RYR2: variants seen among roughly 807,000 people sequenced by gnomAD.
RYR2 encodes ryanodine receptor 2, also known as cardiac muscle ryanodine receptor-calcium release channel.
Under a neutral mutation model 601.1 loss-of-function variants are expected in RYR2, and 227 were observed. The ratio of observed to expected loss-of-function variants is 0.38; its 90% CI spans 0.34 to 0.42. The LOEUF (loss-of-function observed/expected upper bound fraction) is 0.42, where lower values mean the gene tolerates loss of function less well. RYR2 is among the 10% of genes least tolerant of loss of function. The pLI is 1.00. For missense variants in RYR2, 4,646 were observed against 6,156.5 expected, an observed-to-expected ratio of 0.75 and a Z score of 8.21; for synonymous variants, 2,223 against 2,175.1, an observed-to-expected ratio of 1.02 and a Z score of -0.61.
At chr1:237,111,735 C>A (rs1669502597) in intron 1 of RYR2, among the ~76,000 whole-genome samples, 2 of 152,052 alleles carry the variant, frequency 1.3e-5, no homozygotes, top group Admixed American at 6.5e-5. Context: ...CTCATTTTTG[C>A]CTATCCTGCA....
rs758855412 is a variant in RYR2 at position 237,634,980 on chromosome 1, G to C, written c.6780G>C (p.Pro2260=). The C allele has an allele frequency of 1.3e-6, 2 of 1,592,668 alleles. No individual in the cohort carries two copies. The highest frequency in any genetic ancestry group is 1.7e-6 in the Non-Finnish European group (2 of 1,168,554). ...AACTAGCATTAGCTCTGCGTGAGCC[G>C]GATCTAGAAAAGGTGAGCAATGTTC... ...NNELALALRE[P]DLEKVVRYLA... is the part of the protein sequence containing the mutation. The change falls in exon 44 of 105, where the codon CCG becomes CCC. Residue 2260 remains proline, a synonymous_variant. Coordinates refer to ENST00000366574, the MANE Select transcript of RYR2 (RefSeq NM_001035.3).
intron 1 of RYR2, among the ~76,000 whole-genome samples, chr1:237,121,377 A>G (rs1383068023): frequency 6.6e-6 from 1 of 152,142 alleles, no homozygotes; most frequent in Non-Finnish European, 1.5e-5. Flanking sequence ...CCATTCAGAT[A>G]AAAAGAGAGA....
chr1:237,628,070 C>T lies in RYR2; in HGVS notation c.6430C>T (p.Arg2144Cys), dbSNP rs770847446. The change falls in exon 41 of 105, where the codon CGT becomes TGT. Residue 2144 changes from arginine to cysteine, a missense_variant. Arg to Cys is a radical substitution (Grantham distance 180). This residue lies in a region of RYR2 where 137 missense variants were observed against 273.6 expected (regional missense o/e 0.50). Coordinates refer to ENST00000366574, the MANE Select transcript of RYR2 (RefSeq NM_001035.3). ...CAAAGAAGAAGAGAAGCTCATGATTCGTGGATTAGGGTAAATTATTTAACT... is the reference window on the plus strand; with the variant it reads ...CAAAGAAGAAGAGAAGCTCATGATTTGTGGATTAGGGTAAATTATTTAACT... ...MGKEEEKLMIRGLGDIMNNKV... is the reference protein window; with the variant it reads ...MGKEEEKLMICGLGDIMNNKV... 6.8e-6 allele frequency: 11 copies of T among 1,613,484 alleles called. No individual in the cohort carries two copies. The highest frequency in any genetic ancestry group is 1.7e-4 in the Middle Eastern group (1 of 6,060).
chr1:237,765,251 T>C (rs1693757188), intron 84 of RYR2, among the ~76,000 whole-genome samples: 1 of 152,178 alleles, frequency 6.6e-6, no homozygotes, highest in South Asian at 2.1e-4. Flanking sequence ...TACCAAATCA[T>C]TATGACATTG....
intron 63 of RYR2, among the ~76,000 whole-genome samples, chr1:237,698,104 TA>T (rs1687651941): frequency 1.0e-5 from 1 of 99,692 alleles, no homozygotes; most frequent in South Asian, 4.4e-4. Context: ...CAGGAGATGA[TA>T]GTGTGTGTGT....
rs559782142 is a variant in RYR2 at position 237,715,112 on chromosome 1, T to A, written c.10324-2086T>A. ...ACATATGGGCCATGTTATTACATCT[T>A]CATATCTGATCCAAATGCACAGATT... On this transcript the variant is annotated intron_variant, in intron 71 of 104. Transcript: ENST00000366574. Among the ~76,000 whole-genome samples the A allele has an allele frequency of 3.4e-3, 510 of 150,988 alleles. 4 individuals carry two copies. The highest frequency in any genetic ancestry group is 0.029 in the South Asian group (137 of 4,718).
rs541108251 is a variant in RYR2, at chr1:237,091,011, AT to A, written c.48+48447del. On this transcript the variant is annotated intron_variant, in intron 1 of 104. Coordinates refer to ENST00000366574, the MANE Select transcript of RYR2 (RefSeq NM_001035.3). ...TACTTGTGTTTAATGTCATACATTT[AT>A]TTTTGGAACGACTTTCACATGACAT... Among the ~76,000 whole-genome samples, 3 of 152,342 alleles carry A rather than the reference AT, an allele frequency of 2.0e-5. No homozygotes were observed. In the East Asian group the frequency reaches 5.8e-4, roughly 29 times the overall value.
Position 237,614,318 on chromosome 1 carries a change from G to A in RYR2, c.5190G>A (p.Thr1730=), listed in dbSNP as rs397516541. Residue 1730 remains threonine (T), a synonymous_variant, in exon 37 of 105, where the codon ACG becomes ACA. Coordinates refer to ENST00000366574, the MANE Select transcript of RYR2 (RefSeq NM_001035.3). The surrounding 1 kb of genome is among the most constrained non-coding windows in gnomAD (Gnocchi z 4.3). ...ACAACGAGTACATTGTCCCCATGACGGAGGAGACGAAGAGCATCACCCTGT... is the reference window on the plus strand; with the variant it reads ...ACAACGAGTACATTGTCCCCATGACAGAGGAGACGAAGAGCATCACCCTGT... ...MMNNEYIVPM[T]EETKSITLFP... 9.3e-6 allele frequency: 15 copies of A among 1,613,870 alleles called. No homozygotes were observed. The highest frequency in any genetic ancestry group is 5.3e-5 in the African/African-American group (4 of 74,926).
chr1:237,719,439 C>T (rs112861652), intron 73 of RYR2, among the ~76,000 whole-genome samples: 13 of 152,026 alleles, frequency 8.6e-5, no homozygotes, highest in Non-Finnish European at 1.6e-4. Context: ...AAGTATAACA[C>T]GGGCATCTGC....
intron 73 of RYR2, among the ~76,000 whole-genome samples, chr1:237,719,559 A>G (rs1425703591): frequency 1.3e-5 from 2 of 152,210 alleles, no homozygotes; most frequent in South Asian, 2.1e-4. Flanking sequence ...GGTGCCACAC[A>G]CTTAAACAGC....
chr1:237,721,028 T>C (rs1050898537), intron 73 of RYR2, among the ~76,000 whole-genome samples: 5 of 152,202 alleles, frequency 3.3e-5, no homozygotes, highest in African/African-American at 1.2e-4. Context: ...TTCTACACTT[T>C]CTTAAACTAG....
intron 22 of RYR2, among the ~76,000 whole-genome samples, chr1:237,506,163 T>C (rs1398553474): frequency 3.5e-4 from 8 of 23,100 alleles, no homozygotes; most frequent in Non-Finnish European, 1.0e-3. Context: ...CCAACACTCC[T>C]TTTTTTTTTT....
chr1:237,475,043 G>A (rs1243563726), intron 17 of RYR2, among the ~76,000 whole-genome samples: 4 of 151,978 alleles, frequency 2.6e-5, no homozygotes, highest in Non-Finnish European at 4.4e-5. Context: ...TTTAATAAAC[G>A]TGTGTATGCC....
chr1:237,164,549 C>T (rs552100262), intron 1 of RYR2, among the ~76,000 whole-genome samples: 6 of 152,194 alleles, frequency 3.9e-5, no homozygotes, highest in Admixed American at 3.9e-4. Context: ...AGAGGTAAAG[C>T]TCCCAGTTAA....
intron 1 of RYR2, among the ~76,000 whole-genome samples, chr1:237,203,545 A>T (rs1238033687): frequency 6.6e-6 from 1 of 152,216 alleles, no homozygotes; most frequent in Non-Finnish European, 1.5e-5. Flanking sequence ...AATAATCTAT[A>T]CAATTATTTG....
At chr1:237,133,740 A>G (rs1672427555) in intron 1 of RYR2, among the ~76,000 whole-genome samples, 2 of 152,086 alleles carry the variant, frequency 1.3e-5, no homozygotes, top group African/African-American at 4.8e-5. Context: ...AGCCTGACCA[A>G]CATGGTGAAA....
chr1:237,653,901 A>C (rs1558148962), intron 51 of RYR2, among the ~76,000 whole-genome samples: 1 of 152,186 alleles, frequency 6.6e-6, no homozygotes, highest in Non-Finnish European at 1.5e-5. Flanking sequence ...AGATAAAGGC[A>C]AGTCAGGTTC....
chr1:237,141,090 C>T (rs557626824), intron 1 of RYR2, among the ~76,000 whole-genome samples: 1 of 152,258 alleles, frequency 6.6e-6, no homozygotes, highest in Non-Finnish European at 1.5e-5. Flanking sequence ...GTGAGAACAG[C>T]TTCTGGATGT....
At chr1:237,345,467 T>TAAAAATA (rs1558658103) in intron 3 of RYR2, among the ~76,000 whole-genome samples, 8 of 143,960 alleles carry the variant, frequency 5.6e-5, no homozygotes, top group Non-Finnish European at 9.2e-5. Context: ...AAATAAAAAA[T>TAAAAATA]AAAAAATAAA....
Sources: allele counts gnomAD v4.1 joint callset (sites outside exome capture counted in the v4.1 genomes callset), GRCh38; gene constraint gnomAD v4.1.1; regional missense constraint gnomAD v4.1.1; non-coding constraint Gnocchi (gnomAD v3.1); transcripts MANE v1.5; gene names NCBI Gene and HGNC (gene_info 2026-07-23, HGNC 2026-07-21).